The following TTLL11 variants were observed in gnomAD, a reference collection of about 807,000 sequenced individuals.
TTLL11 encodes the protein tubulin polyglutamylase TTLL11.
Under a neutral mutation model 51.7 loss-of-function variants are expected in TTLL11, and 42 were observed. That is an observed-to-expected ratio of 0.81 (90% confidence interval 0.64 to 1.05). The LOEUF (loss-of-function observed/expected upper bound fraction) is 1.05. Ranked by LOEUF, TTLL11 falls within the 50% of genes least tolerant of loss-of-function variation. TTLL11 has a pLI of 0.00. For synonymous variants in TTLL11, 381 were observed against 383.5 expected (o/e 0.99, Z 0.08); for missense variants, 799 against 940.4 (o/e 0.85, Z 1.97).
At chr9:121,899,222 C>T (rs1050175856) in intron 6 of TTLL11, among the ~76,000 whole-genome samples, 51 of 152,134 alleles carry the variant, frequency 3.4e-4, no homozygotes, top group African/African-American at 1.2e-3. Flanking sequence ...AGCTTGCTCC[C>T]TCTATCCTCT....
At chr9:121,962,109 C>T (rs1842247825) in intron 6 of TTLL11, among the ~76,000 whole-genome samples, 1 of 151,938 alleles carries the variant, frequency 6.6e-6, no homozygotes, top group Non-Finnish European at 1.5e-5. Context: ...GACAGTATGG[C>T]TTCAACTATA....
intron 6 of TTLL11, chr9:121,963,733 G>C (rs1027562074): frequency 6.6e-6 from 1 of 152,154 alleles, no homozygotes; most frequent in African/African-American, 2.4e-5. Flanking sequence ...CCACAAATAA[G>C]GCTTTTGCTG....
At chr9:122,052,214 A>G (rs188544092) in intron 1 of TTLL11, among the ~76,000 whole-genome samples, 3 of 152,290 alleles carry the variant, frequency 2.0e-5, no homozygotes, top group African/African-American at 4.8e-5. Context: ...CTTGCTGCTC[A>G]CATCTCAGTG....
chr9:121,939,768 G>C (rs533149129), intron 6 of TTLL11, among the ~76,000 whole-genome samples: 20 of 152,244 alleles, frequency 1.3e-4, no homozygotes, highest in African/African-American at 4.8e-4. Context: ...AATCGCTGGT[G>C]CTCATCGTAC....
At chr9:121,857,143 T>G (rs1837848493) in intron 8 of TTLL11, among the ~76,000 whole-genome samples, 1 of 152,092 alleles carries the variant, frequency 6.6e-6, no homozygotes, top group South Asian at 2.1e-4. Flanking sequence ...GCTATTTCCT[T>G]CCAGGAGTGA....
In TTLL11 at chr9:122,000,740, G is replaced by A. The variant is rs572559258; in HGVS notation, c.694-10970C>T. ...ATAAAATGGGCAACCAGCTGCCCTCGGGGCTGTTGTATGGAGAAGCCATTC... is the reference window on the plus strand; with the variant it reads ...ATAAAATGGGCAACCAGCTGCCCTCAGGGCTGTTGTATGGAGAAGCCATTC... On this transcript the variant is annotated intron_variant, in intron 3 of 8. Transcript: ENST00000321582. Among the ~76,000 whole-genome samples, 71 of 152,168 alleles carry A rather than the reference G, an allele frequency of 4.7e-4. 1 individual carries two copies. Among genetic ancestry groups the A allele is most frequent in the Non-Finnish European group, 7.6e-4 (52 of 68,024 alleles).
chr9:122,068,473 T>C lies in TTLL11; in HGVS notation c.462+24214A>G, dbSNP rs117109093. Reference sequence around the variant, plus strand: ...AAGATAAAAGTCCACATAGTATTAATAGTAATAGTTATATTGTTGGATACT... The same window carrying C: ...AAGATAAAAGTCCACATAGTATTAACAGTAATAGTTATATTGTTGGATACT... On this transcript the variant is annotated intron_variant, in intron 1 of 8. Transcript: ENST00000321582. 3.8e-3 allele frequency among the ~76,000 whole-genome samples: 581 copies of C among 152,292 alleles called. 1 individual carries two copies. Among genetic ancestry groups the C allele is most frequent in the Non-Finnish European group, 4.6e-3 (312 of 68,026 alleles).
In TTLL11 at chr9:121,822,784, C is replaced by T; in HGVS notation, c.1936G>A (p.Asp646Asn). ...PLHEQVASLI[D>N]LCEYHLSLLD... Reference sequence around the variant, plus strand: ...AGGGACAGGTGGTACTCGCAAAGGTCAATCAGTGAGGCCACCTGCTCATGA... The same window carrying T: ...AGGGACAGGTGGTACTCGCAAAGGTTAATCAGTGAGGCCACCTGCTCATGA... Residue 646 changes from aspartate (D) to asparagine (N), a missense_variant, in exon 9 of 9, where the codon GAC becomes AAC. By Grantham distance (23) the Asp-to-Asn change is conservative. Transcript: ENST00000321582. The surrounding 1 kb of genome is among the most constrained non-coding windows in gnomAD (Gnocchi z 5.8). 1.3e-6 allele frequency: 2 copies of T among 1,551,726 alleles called. No homozygotes were observed. Among genetic ancestry groups the T allele is most frequent in the African/African-American group, 1.4e-5 (1 of 73,178 alleles).
At chr9:122,011,541 A>G (rs1366878539) in intron 3 of TTLL11, among the ~76,000 whole-genome samples, 2 of 152,204 alleles carry the variant, frequency 1.3e-5, no homozygotes, top group African/African-American at 4.8e-5. Context: ...GAAAATGATA[A>G]TACTAGATAG....
chr9:121,868,487 G>A (rs1838247074), intron 7 of TTLL11, among the ~76,000 whole-genome samples: 1 of 152,178 alleles, frequency 6.6e-6, no homozygotes, highest in Admixed American at 6.5e-5. Context: ...TTCATGTGTG[G>A]AGGCCTTTTT....
chr9:121,965,655 C>A (rs906620938), intron 6 of TTLL11, among the ~76,000 whole-genome samples: 1 of 152,100 alleles, frequency 6.6e-6, no homozygotes, highest in African/African-American at 2.4e-5. Flanking sequence ...AGCAGGATAG[C>A]GGATGATTCT....
intron 6 of TTLL11, among the ~76,000 whole-genome samples, chr9:121,961,558 C>T (rs1011392891): frequency 1.3e-5 from 2 of 152,288 alleles, no homozygotes; most frequent in Admixed American, 1.3e-4. Context: ...ACATTGAAAA[C>T]CAGAGTACAT....
rs139363074 is a variant in TTLL11, at chr9:122,036,888, G to A, written c.559+2384C>T. On this transcript the variant is annotated intron_variant, in intron 2 of 8. Transcript: ENST00000321582. ...TGGCAGCACTGTTCCTCTGCCTAGAGGTTTAAGAGTCTGCTTTGTCATTAG... is the reference window on the plus strand; with the variant it reads ...TGGCAGCACTGTTCCTCTGCCTAGAAGTTTAAGAGTCTGCTTTGTCATTAG... 2.1e-3 allele frequency among the ~76,000 whole-genome samples: 325 copies of A among 152,224 alleles called. 3 individuals carry two copies. Among genetic ancestry groups the A allele is most frequent in the Non-Finnish European group, 9.8e-4 (67 of 68,024 alleles).
chr9:121,830,960 C>A (rs1307784407), intron 8 of TTLL11, among the ~76,000 whole-genome samples: 1 of 152,314 alleles, frequency 6.6e-6, no homozygotes, highest in South Asian at 2.1e-4. Context: ...GGTTACTGCA[C>A]CAGTCCAAGT....
chr9:122,081,394 G>A (rs1846001903), intron 1 of TTLL11, among the ~76,000 whole-genome samples: 1 of 152,150 alleles, frequency 6.6e-6, no homozygotes, highest in Non-Finnish European at 1.5e-5. Context: ...GATTAACATG[G>A]AATAACCCCC....
At chr9:121,879,260 T>C (rs1838683501) in intron 6 of TTLL11, among the ~76,000 whole-genome samples, 1 of 151,996 alleles carries the variant, frequency 6.6e-6, no homozygotes, top group Non-Finnish European at 1.5e-5. Context: ...GAATATGGGG[T>C]TTCTGCCTCA....
rs56904380 is a variant in TTLL11 at position 122,077,191 on chromosome 9, T to C, written c.462+15496A>G. Among the ~76,000 whole-genome samples the C allele has an allele frequency of 2.0e-3, 301 of 152,254 alleles. 6 individuals are homozygous for C. The East Asian group carries it at 0.048, about 24-fold the overall frequency. ...GACCCCAGAAGGTAGGTCTGAGTTG[T>C]AAAATAGAATAGCAAACAAAGAAAA... On this transcript the variant is annotated intron_variant, in intron 1 of 8. Transcript: ENST00000321582.
chr9:122,092,601 C>T lies in TTLL11; in HGVS notation c.462+86G>A, dbSNP rs10818624. On this transcript the variant is annotated intron_variant, in intron 1 of 8. Transcript: ENST00000321582. ...CCGCAGGAGCTCAGCCCTCGCCCGC[C>T]GACCTGACCTGGGCCGTGCCGAGAC... 471,739 of 1,499,618 alleles carry T rather than the reference C, an allele frequency of 0.31. 76,480 individuals carry two copies. The highest frequency in any genetic ancestry group is 0.42 in the African/African-American group (30,003 of 71,342). The allele number at this position is 1,499,618 out of a possible 1,614,324, so 92.9% of individuals were successfully genotyped here. A position where few individuals can be genotyped will look rare whatever the true frequency, so the allele number is the denominator to read the frequency against.
chr9:122,048,558 C>T (rs1236673796), intron 1 of TTLL11, among the ~76,000 whole-genome samples: 1 of 152,210 alleles, frequency 6.6e-6, no homozygotes, highest in Non-Finnish European at 1.5e-5. Context: ...AGGATCAAGG[C>T]TAAGCTCCAA....
Sources: allele counts gnomAD v4.1 joint callset (sites outside exome capture counted in the v4.1 genomes callset), GRCh38; gene constraint gnomAD v4.1.1; non-coding constraint Gnocchi (gnomAD v3.1); transcripts MANE v1.5; gene names NCBI Gene and HGNC (gene_info 2026-07-23, HGNC 2026-07-21).